SPTB: variants seen among roughly 807,000 people sequenced by gnomAD.
SPTB encodes spectrin beta chain, erythrocytic.
In SPTB, 45 loss-of-function variants were observed where a neutral mutation model predicts 256.2. The ratio of observed to expected loss-of-function variants is 0.18; its 90% CI spans 0.14 to 0.23. The LOEUF (loss-of-function observed/expected upper bound fraction) is 0.23. Ranked by LOEUF, SPTB falls within the 10% of genes least tolerant of loss-of-function variation. The pLI is 1.00. For synonymous variants in SPTB, 1,231 were observed against 1,243.1 expected (o/e 0.99, Z 0.21); for missense variants, 2,715 against 3,040.4 (o/e 0.89, Z 2.52).
At chr14:64,797,083 T>A (rs1387970064) in intron 10 of SPTB, among the ~76,000 whole-genome samples, 1 of 152,206 alleles carries the variant, frequency 6.6e-6, no homozygotes, top group Non-Finnish European at 1.5e-5. Context: ...TGAAATGTCA[T>A]AGGCATTTCC....
intron 29 of SPTB, chr14:64,768,098 G>C: frequency 1.7e-6 from 1 of 582,876 alleles, no homozygotes; most frequent in Non-Finnish European, 3.1e-6. Flanking sequence ...CTGGAGTGCA[G>C]TGATGTGATT....
intron 10 of SPTB, among the ~76,000 whole-genome samples, chr14:64,797,228 TTTGGGAGGCCAAG>T (rs36102467): frequency 0.053 from 8,108 of 152,058 alleles, 249 homozygotes; most frequent in South Asian, 0.14. Context: ...ATCTCAGCAC[TTTGGGAGGCCAAG>T]GTGGGAGGAT....
In SPTB at chr14:64,785,876, A is replaced by T. The variant is rs1265540580; in HGVS notation, c.3637T>A (p.Phe1213Ile). ...AEAGIRKFED[F>I]LGSMENNRDK... ...CGGTTGTTCTCCATAGACCCCAAGA[A>T]ATCCTCAAACTTCCGGATCCCAGCC... The change falls in exon 17 of 36, where the codon TTC (phenylalanine) becomes ATC (isoleucine). Residue 1213 changes from phenylalanine (F) to isoleucine (I), a missense_variant. Phe to Ile is a conservative substitution (Grantham distance 21). Coordinates refer to ENST00000644917, the MANE Select transcript of SPTB (RefSeq NM_001355436.2). The surrounding 1 kb of genome is among the most constrained non-coding windows in gnomAD (Gnocchi z 4.4). The T allele has an allele frequency of 2.5e-6, 4 of 1,614,060 alleles. No individual in the cohort carries two copies. The highest frequency in any genetic ancestry group is 3.4e-6 in the Non-Finnish European group (4 of 1,180,006).
chr14:64,863,103 G>T (rs1470679263), intron 1 of SPTB, among the ~76,000 whole-genome samples: 1 of 152,078 alleles, frequency 6.6e-6, no homozygotes, highest in East Asian at 1.9e-4. Context: ...TTTCTGCAGG[G>T]TGTCCTAAAA....
At chr14:64,774,745 C>T (rs2082332149) in intron 23 of SPTB, among the ~76,000 whole-genome samples, 1 of 152,154 alleles carries the variant, frequency 6.6e-6, no homozygotes, top group African/African-American at 2.4e-5. Flanking sequence ...TCGTATCCGA[C>T]ATATACCCTT....
rs1216082265 is a variant in SPTB, at chr14:64,807,465, C to T, written c.149-2375G>A. On this transcript the variant is annotated intron_variant, in intron 2 of 35. Coordinates refer to ENST00000644917, the MANE Select transcript of SPTB (RefSeq NM_001355436.2). The surrounding 1 kb of genome is among the most constrained non-coding windows in gnomAD (Gnocchi z 4.7). ...GAATGATGCCCCCTGGACCCTCAAA[C>T]GTGGGAGCCACAGGTTTTGAGCACA... Among the ~76,000 whole-genome samples the T allele has an allele frequency of 3.3e-5, 5 of 152,334 alleles. No individual in the cohort carries two copies. The highest frequency in any genetic ancestry group is 2.1e-4 in the South Asian group (1 of 4,826).
chr14:64,838,049 G>T (rs950763850), intron 1 of SPTB, among the ~76,000 whole-genome samples: 2 of 152,212 alleles, frequency 1.3e-5, no homozygotes, highest in Non-Finnish European at 2.9e-5. Flanking sequence ...CATCAAGATA[G>T]AATAGTATGG....
At chr14:64,750,369 A>AT (rs137923877) in intron 33 of SPTB, 6,781 of 446,870 alleles carry the variant, frequency 0.015, 16 homozygotes, top group African/African-American at 0.029. Flanking sequence ...ACATTTTCGC[A>AT]TTTTTTTTTT....
intron 29 of SPTB, 84 bp from the exon 30 acceptor site, chr14:64,767,943 G>A: frequency 6.7e-7 from 1 of 1,498,778 alleles, no homozygotes; most frequent in Non-Finnish European, 9.1e-7. Context: ...TGGGGCCAGT[G>A]GTCAGGCAGG....
intron 7 of SPTB, 53 bp downstream of exon 7, chr14:64,801,232 G>T: frequency 2.7e-6 from 4 of 1,477,950 alleles, no homozygotes; most frequent in South Asian, 1.1e-5. Flanking sequence ...CTAGCACAGC[G>T]AGTGCATCCC....
Position 64,790,779 on chromosome 14 carries a change from G to A in SPTB, c.2804+940C>T, listed in dbSNP as rs571337131. Among the ~76,000 whole-genome samples, 1 of 152,210 alleles carries A rather than the reference G, an allele frequency of 6.6e-6. No individual in the cohort carries two copies. Among genetic ancestry groups the A allele is most frequent in the Non-Finnish European group, 1.5e-5 (1 of 68,036 alleles). Reference sequence around the variant, plus strand: ...GTGGCATTGCATGTGCAGGGCCCACGGTAAAGACAGGGAATGCAGGCATTT... The same window carrying A: ...GTGGCATTGCATGTGCAGGGCCCACAGTAAAGACAGGGAATGCAGGCATTT... On this transcript the variant is annotated intron_variant, in intron 15 of 35. Coordinates refer to ENST00000644917, the MANE Select transcript of SPTB (RefSeq NM_001355436.2). The surrounding 1 kb of genome is among the most constrained non-coding windows in gnomAD (Gnocchi z 4.8).
chr14:64,771,267 C>T (rs1044904757), intron 26 of SPTB, 138 bp from the exon 27 acceptor site: 48 of 1,343,064 alleles, frequency 3.6e-5, no homozygotes, highest in Admixed American at 6.8e-5. Flanking sequence ...TCAGCCTCCA[C>T]CCAGTGGGTG....
chr14:64,850,820 T>C (rs2083771896), intron 1 of SPTB, among the ~76,000 whole-genome samples: 1 of 152,196 alleles, frequency 6.6e-6, no homozygotes, highest in Non-Finnish European at 1.5e-5. Context: ...TCTGTCAAAC[T>C]CTGTTCTTCT....
intron 1 of SPTB, among the ~76,000 whole-genome samples, chr14:64,870,180 T>A (rs982390234): frequency 1.3e-5 from 2 of 151,784 alleles, no homozygotes; most frequent in Admixed American, 6.6e-5. Flanking sequence ...CAGGACCTGG[T>A]AAGGAAGAGG....
chr14:64,787,597 A>T (rs2082596645), intron 15 of SPTB, among the ~76,000 whole-genome samples: 1 of 152,248 alleles, frequency 6.6e-6, no homozygotes, highest in African/African-American at 2.4e-5. Context: ...CCAAGGCCAC[A>T]TGCAACGTCT....
Position 64,795,235 on chromosome 14 carries a change from G to T in SPTB, c.1644+102C>A. On this transcript the variant is annotated intron_variant, in intron 12 of 35. Transcript: ENST00000644917. This position sits in a 1 kb window ranked among gnomAD's most constrained non-coding sequence, Gnocchi z 6.5. Reference sequence around the variant, plus strand: ...TTTCTCTATTTTGACTCAGAGATATGACTGGCTGGGAGGTGTCTAAGGAAG... The same window carrying T: ...TTTCTCTATTTTGACTCAGAGATATTACTGGCTGGGAGGTGTCTAAGGAAG... 2 of 1,350,260 alleles carry T rather than the reference G, an allele frequency of 1.5e-6. No homozygotes were observed. Among genetic ancestry groups the T allele is most frequent in the Non-Finnish European group, 2.0e-6 (2 of 979,216 alleles). The allele number at this position is 1,350,260 out of a possible 1,614,324, so 83.6% of individuals were successfully genotyped here.
intron 32 of SPTB, among the ~76,000 whole-genome samples, chr14:64,761,586 G>A (rs545946780): frequency 3.7e-4 from 57 of 152,324 alleles, no homozygotes; most frequent in African/African-American, 1.2e-3. Flanking sequence ...TAGGGATGCA[G>A]GGCAGAAGGG....
chr14:64,751,014 CATT>C (rs1370893737), intron 33 of SPTB, among the ~76,000 whole-genome samples: 3 of 142,916 alleles, frequency 2.1e-5, no homozygotes, highest in Admixed American at 7.1e-5. Context: ...ATATATTATA[CATT>C]ATGTTATATA....
chr14:64,776,227 T>G (rs1385215042), intron 22 of SPTB, among the ~76,000 whole-genome samples: 1 of 152,206 alleles, frequency 6.6e-6, no homozygotes, highest in African/African-American at 2.4e-5. Flanking sequence ...GCAGCCCACA[T>G]GAGCAGCACA....
Sources: allele counts gnomAD v4.1 joint callset (sites outside exome capture counted in the v4.1 genomes callset), GRCh38; gene constraint gnomAD v4.1.1; non-coding constraint Gnocchi (gnomAD v3.1); transcripts MANE v1.5; gene names NCBI Gene and HGNC (gene_info 2026-07-23, HGNC 2026-07-21).